The following CACNA1I variants were observed in gnomAD, a reference collection of about 807,000 sequenced individuals.
The protein encoded by CACNA1I is calcium voltage-gated channel subunit alpha1 I, also known as voltage-dependent T-type calcium channel subunit alpha-1I.
A neutral mutation model predicts 201.6 loss-of-function variants in CACNA1I; 74 were observed. The observed-to-expected ratio is 0.37, with a 90% CI of 0.30 to 0.45. The LOEUF (loss-of-function observed/expected upper bound fraction) is 0.45. Among genes scored for constraint, CACNA1I ranks in the 20% least tolerant of loss-of-function variants. CACNA1I has a pLI of 1.00. For missense variants in CACNA1I, 2,346 were observed against 3,138.1 expected (o/e 0.75, Z 6.03); for synonymous variants, 1,431 against 1,345.2 (o/e 1.06, Z -1.40).
In CACNA1I at chr22:39,665,635, C is replaced by A; in HGVS notation, c.3978+11C>A. 1 of 1,613,238 alleles carries A rather than the reference C, an allele frequency of 6.2e-7. No individual in the cohort carries two copies. The highest frequency in any genetic ancestry group is 8.5e-7 in the Non-Finnish European group (1 of 1,179,480). On this transcript the variant is annotated intron_variant, in intron 22 of 36. Transcript: ENST00000402142. The surrounding 1 kb of genome is among the most constrained non-coding windows in gnomAD (Gnocchi z 5.5). ...ATCCTGGGAGTGCAGGTGAGGGGTG[C>A]CCAGTCTGGGCAGGGACTGGGCTCT...
In CACNA1I at chr22:39,684,553, T is replaced by C; in HGVS notation, c.6027+55T>C. The C allele has an allele frequency of 6.4e-7, 1 of 1,563,916 alleles. No individual in the cohort carries two copies. The highest frequency in any genetic ancestry group is 1.8e-5 in the Admixed American group (1 of 55,258). On this transcript the variant is annotated intron_variant, in intron 36 of 36. Transcript: ENST00000402142. This position sits in a 1 kb window ranked among gnomAD's most constrained non-coding sequence, Gnocchi z 4.6. ...TGGTCTGTGGGCAAGGGGCAGGATC[T>C]AAGCCAGGCCTGGAAGTCCAAGGGA...
intron 3 of CACNA1I, among the ~76,000 whole-genome samples, chr22:39,610,189 C>T (rs949307727): frequency 4.6e-5 from 7 of 152,170 alleles, no homozygotes; most frequent in Non-Finnish European, 1.0e-4. Flanking sequence ...GTCTGTCTGC[C>T]CTGCGGCTGT....
chr22:39,641,724 C>T (rs1489330965), intron 6 of CACNA1I, among the ~76,000 whole-genome samples: 3 of 152,196 alleles, frequency 2.0e-5, no homozygotes, highest in East Asian at 1.9e-4. Context: ...AGCCTCATGG[C>T]GTGCAAAGGG....
chr22:39,598,305 C>G, intron 2 of CACNA1I, 43 bp downstream of exon 2: 1 of 959,486 alleles, frequency 1.0e-6, no homozygotes, highest in Non-Finnish European at 1.5e-6. Context: ...CCCTCATCCT[C>G]CAGGACCCGG....
rs767779428 is a variant in CACNA1I, at chr22:39,600,585, G to T, written c.414G>T (p.Gly138=). 1.9e-6 allele frequency: 3 copies of T among 1,611,922 alleles called. No individual in the cohort carries two copies. The highest frequency in any genetic ancestry group is 2.5e-6 in the Non-Finnish European group (3 of 1,179,062). ...TGGTGCTCAAGATGGTGGCCCTGGG[G>T]ATTTTTGGCAAGAAGTGCTACCTCG... ...MEMVLKMVAL[G]IFGKKCYLGD... is the part of the protein sequence containing the mutation. Residue 138 remains glycine, a synonymous_variant, in exon 3 of 37, where the codon GGG becomes GGT. Transcript: ENST00000402142.
At chr22:39,628,990 A>G (rs1933975851) in intron 4 of CACNA1I, among the ~76,000 whole-genome samples, 1 of 152,238 alleles carries the variant, frequency 6.6e-6, no homozygotes, top group South Asian at 2.1e-4. Context: ...CCTGTCAGGA[A>G]GTGCTTCCTG....
In CACNA1I at chr22:39,600,529, G is replaced by C; in HGVS notation, c.358G>C (p.Asp120His). Residue 120 changes from aspartate (D) to histidine (H), a missense_variant, in exon 3 of 37, where the codon GAC (aspartate) becomes CAC (histidine). By Grantham distance (81) the Asp-to-His change is moderately conservative (BLOSUM62 -1). This residue lies in a region of CACNA1I where 130 missense variants were observed against 160.7 expected (regional missense o/e 0.81). Coordinates refer to ENST00000402142, the MANE Select transcript of CACNA1I (RefSeq NM_021096.4). ...DRCKILQVFD[D>H]FIFIFFAMEM... ...CCTCCTGCCCCTGCAGGTCTTTGAT[G>C]ACTTCATCTTTATCTTCTTTGCCAT... The C allele has an allele frequency of 6.2e-7, 1 of 1,611,276 alleles. No homozygotes were observed. The highest frequency in any genetic ancestry group is 1.7e-4 in the Middle Eastern group (1 of 6,056).
chr22:39,644,978 G>A (rs551082827), intron 7 of CACNA1I, among the ~76,000 whole-genome samples: 2 of 151,916 alleles, frequency 1.3e-5, no homozygotes, highest in African/African-American at 4.8e-5. Flanking sequence ...ATGAGCCGCA[G>A]CCCCCGGCCC....
intron 1 of CACNA1I, chr22:39,587,671 G>T: frequency 2.3e-6 from 1 of 435,994 alleles, no homozygotes. Context: ...CTAAGGAACA[G>T]AGATGATGCC....
intron 10 of CACNA1I, among the ~76,000 whole-genome samples, chr22:39,651,762 A>G (rs757673845): frequency 3.6e-4 from 55 of 152,218 alleles, no homozygotes; most frequent in Non-Finnish European, 3.8e-4. Flanking sequence ...CAAGCCAGTG[A>G]TGAAAGAGTT....
intron 1 of CACNA1I, among the ~76,000 whole-genome samples, chr22:39,590,809 C>T (rs1012130191): frequency 6.6e-6 from 1 of 152,168 alleles, no homozygotes; most frequent in African/African-American, 2.4e-5. Flanking sequence ...CAGGGTGACC[C>T]TGCTCATTGC....
chr22:39,592,149 C>A (rs1439116204), intron 1 of CACNA1I, among the ~76,000 whole-genome samples: 1 of 152,188 alleles, frequency 6.6e-6, no homozygotes, highest in Non-Finnish European at 1.5e-5. Flanking sequence ...GATTTTCTCC[C>A]CGAGGCCTGT....
chr22:39,661,596 G>A (rs1392207754), intron 16 of CACNA1I, among the ~76,000 whole-genome samples: 1 of 152,260 alleles, frequency 6.6e-6, no homozygotes, highest in African/African-American at 2.4e-5. Context: ...CAGGCAGACT[G>A]CAGCTTGAAT....
intron 10 of CACNA1I, among the ~76,000 whole-genome samples, chr22:39,652,618 G>A (rs1322489730): frequency 6.6e-6 from 1 of 152,162 alleles, no homozygotes; most frequent in Non-Finnish European, 1.5e-5. Context: ...TTCAATCCTG[G>A]TTCTGGCCTG....
At chr22:39,613,124 C>T (rs1167309473) in intron 3 of CACNA1I, among the ~76,000 whole-genome samples, 1 of 152,222 alleles carries the variant, frequency 6.6e-6, no homozygotes, top group Non-Finnish European at 1.5e-5. Flanking sequence ...GGGGTATTTC[C>T]TGGAAAGATG....
At chr22:39,591,020 T>TC (rs35650803) in intron 1 of CACNA1I, among the ~76,000 whole-genome samples, 56,557 of 148,476 alleles carry the variant, frequency 0.38, 11,254 homozygotes, top group East Asian at 0.8. Flanking sequence ...ATTAAAAAAT[T>TC]TTTTTTTTTT....
intron 7 of CACNA1I, among the ~76,000 whole-genome samples, chr22:39,644,297 A>G (rs181507030): frequency 3.3e-5 from 5 of 152,290 alleles, no homozygotes; most frequent in Admixed American, 3.3e-4. Context: ...CAGTTGGGGT[A>G]AAGCACGATG....
At chr22:39,591,628 A>C (rs1170011584) in intron 1 of CACNA1I, among the ~76,000 whole-genome samples, 1 of 151,698 alleles carries the variant, frequency 6.6e-6, no homozygotes, top group East Asian at 1.9e-4. Flanking sequence ...GTGCAATCTC[A>C]GCTCACTGAA....
At chr22:39,670,766 T>C (rs1935349145) in intron 25 of CACNA1I, 37 bp from the exon 26 acceptor site, 2 of 1,611,504 alleles carry the variant, frequency 1.2e-6, no homozygotes, top group Non-Finnish European at 1.7e-6. Flanking sequence ...ACCCCAACCC[T>C]CTGTGGTCTT....
Sources: gnomAD v4.1 joint callset for allele counts (sites outside exome capture counted in the v4.1 genomes callset) on GRCh38, gnomAD v4.1.1 for gene constraint, gnomAD v4.1.1 regional missense constraint, Gnocchi (gnomAD v3.1) non-coding constraint, MANE v1.5 for transcripts, NCBI Gene and HGNC (gene_info 2026-07-23, HGNC 2026-07-21) for gene names.